The following GTF3C3 variants were observed in gnomAD, a reference collection of about 807,000 sequenced individuals.
GTF3C3 encodes general transcription factor 3C polypeptide 3.
A neutral mutation model predicts 105.2 loss-of-function variants in GTF3C3; 75 were observed. The ratio of observed to expected loss-of-function variants is 0.71; its 90% CI spans 0.59 to 0.86. The LOEUF (loss-of-function observed/expected upper bound fraction) is 0.86. Among genes scored for constraint, GTF3C3 ranks in the 40% least tolerant of loss-of-function variants. GTF3C3 has a pLI of 0.00. For missense variants in GTF3C3, 856 were observed against 1,076.5 expected (o/e 0.80, Z 2.87); for synonymous variants, 335 against 370.4 (o/e 0.90, Z 1.10).
chr2:196,769,829 T>C (rs557149322), intron 16 of GTF3C3, 86 bp downstream of exon 16: 3 of 1,158,440 alleles, frequency 2.6e-6, no homozygotes, highest in African/African-American at 1.6e-5. Flanking sequence ...TGTATTACTT[T>C]TGAAGCAGGA....
chr2:196,782,431 T>C (rs919228349), intron 8 of GTF3C3, among the ~76,000 whole-genome samples: 1 of 152,246 alleles, frequency 6.6e-6, no homozygotes, highest in African/African-American at 2.4e-5. Flanking sequence ...AATTATAGTA[T>C]ATGAAATACT....
chr2:196,797,970 C>CTCTGTGGCTGGGG, intron 1 of GTF3C3, 62 bp from the exon 2 acceptor site: 1 of 955,358 alleles, frequency 1.0e-6, no homozygotes, highest in Non-Finnish European at 1.7e-6. Context: ...TCCCCAGCCA[C>CTCTGTGGCTGGGG]AGAGTATCTG....
At chr2:196,798,834 C>T (rs1699695398) in intron 1 of GTF3C3, among the ~76,000 whole-genome samples, 2 of 141,122 alleles carry the variant, frequency 1.4e-5, no homozygotes, top group South Asian at 4.6e-4. Flanking sequence ...TGCACTCCAG[C>T]CTGGGCAACA....
At chr2:196,766,218 T>A (rs1218455068) in intron 17 of GTF3C3, among the ~76,000 whole-genome samples, 1 of 152,090 alleles carries the variant, frequency 6.6e-6, no homozygotes, top group Non-Finnish European at 1.5e-5. Flanking sequence ...TTAATACTGG[T>A]CTTTCATCTT....
rs371431569 is a variant in GTF3C3 at position 196,791,463 on chromosome 2, G to A, written c.412-3C>T. The A allele has an allele frequency of 5.3e-5, 85 of 1,606,416 alleles. No individual in the cohort carries two copies. Among genetic ancestry groups the A allele is most frequent in the Non-Finnish European group, 7.1e-5 (83 of 1,175,886 alleles). ...AGTTTACTCCGAGGCCTTTTCTCCT[G>A]TATGGAAGAAAAATGACATTTAGAT... On this transcript the variant is annotated splice_region_variant and splice_polypyrimidine_tract_variant and intron_variant, in intron 3 of 17. Coordinates refer to ENST00000263956, the MANE Select transcript of GTF3C3 (RefSeq NM_012086.5).
intron 10 of GTF3C3, chr2:196,777,669 G>A (rs997868404): frequency 1.3e-5 from 2 of 151,938 alleles, no homozygotes; most frequent in African/African-American, 4.8e-5. Context: ...AAAACATTTT[G>A]TTATTTTGTT....
At position 196,785,439 on chromosome 2, in the gene GTF3C3, A is replaced by G; in HGVS notation, c.1041+2T>C. 6.3e-7 allele frequency: 1 copy of G among 1,585,526 alleles called. No homozygotes were observed. The highest frequency in any genetic ancestry group is 1.7e-4 in the Middle Eastern group (1 of 5,940). ...AACAGAGAAACACATAAGCATTCCT[A>G]CCTCCAAAGCTTTGTCATACTGTTT... On this transcript the variant is annotated splice_donor_variant, in intron 7 of 17. Coordinates refer to ENST00000263956, the MANE Select transcript of GTF3C3 (RefSeq NM_012086.5). LOFTEE classifies it high-confidence loss of function.
At chr2:196,771,117 A>AT (rs1057335589) in intron 15 of GTF3C3, among the ~76,000 whole-genome samples, 8 of 151,576 alleles carry the variant, frequency 5.3e-5, no homozygotes, top group Middle Eastern at 3.2e-3. Context: ...TTCTTCTTTA[A>AT]TTTTTTTTTA....
chr2:196,780,808 C>A, intron 8 of GTF3C3, 146 bp from the exon 9 acceptor site: 1 of 904,190 alleles, frequency 1.1e-6, no homozygotes, highest in Non-Finnish European at 1.6e-6. Flanking sequence ...GTTCTTATAT[C>A]TCTCTCAGTC....
chr2:196,781,357 A>AAAAAAAAT, intron 8 of GTF3C3, among the ~76,000 whole-genome samples: 4 of 18,818 alleles, frequency 2.1e-4, no homozygotes, highest in African/African-American at 3.1e-4. Context: ...AAAAAAAAAA[A>AAAAAAAAT]ATATATATAT....
chr2:196,780,457 G>A (rs930718332), intron 9 of GTF3C3, 102 bp downstream of exon 9: 2 of 1,388,434 alleles, frequency 1.4e-6, no homozygotes, highest in Non-Finnish European at 1.9e-6. Flanking sequence ...TGGTTATTAA[G>A]AAATGTGAAA....
Position 196,781,357 on chromosome 2 carries a change from A to AAATAT in GTF3C3, c.1115-696_1115-695insATATT. Among the ~76,000 whole-genome samples the AAATAT allele has an allele frequency of 8.0e-4, 15 of 18,822 alleles. 1 individual carries two copies. The South Asian group carries it at 0.013, about 17-fold the overall frequency. The allele number at this position is 18,822 out of a possible 152,430, so 12.3% of individuals were successfully genotyped here. A position where few individuals can be genotyped will look rare whatever the true frequency, so the allele number is the denominator to read the frequency against. On this transcript the variant is annotated intron_variant, in intron 8 of 17. Transcript: ENST00000263956. Reference sequence around the variant, plus strand: ...ATGTTAAGGGGAAAAAAAAAAAAAAAATATATATATATATATATATATATA... The same window carrying AAATAT: ...ATGTTAAGGGGAAAAAAAAAAAAAAAAATATATATATATATATATATATATATATA...
intron 14 of GTF3C3, among the ~76,000 whole-genome samples, chr2:196,772,715 C>G (rs1699193877): frequency 6.6e-6 from 1 of 152,110 alleles, no homozygotes; most frequent in Non-Finnish European, 1.5e-5. Flanking sequence ...TAAGGTCACG[C>G]AGCCAGTAGG....
In GTF3C3 at chr2:196,778,565, T is replaced by C. The variant is rs1433585607; in HGVS notation, c.1390+331A>G. ...ATATAACATATTAAATATAAATCTA[T>C]AAAAACTCTTCAAAATTAGATTTTG... On this transcript the variant is annotated intron_variant, in intron 10 of 17. Transcript: ENST00000263956. 1.5e-5 allele frequency: 4 copies of C among 267,156 alleles called. No homozygotes were observed. In the East Asian group the frequency reaches 2.8e-4, roughly 18 times the overall value. The allele number at this position is 267,156 out of a possible 1,614,324, so 16.5% of individuals were successfully genotyped here.
At position 196,776,023 on chromosome 2, in the gene GTF3C3, G is replaced by C; in HGVS notation, c.1682C>G (p.Ala561Gly). ...ATCATTACCCACCTTTAAAAGCATG[G>C]CTAACATAGTAAGTAAGGTATCCAC... The part of the protein sequence containing the change: ...GYVDTLLTML[A>G]MLLKVAMNRA... The change falls in exon 12 of 18, where the codon GCC becomes GGC. Residue 561 changes from alanine to glycine, a missense_variant. Ala to Gly is a moderately conservative substitution (Grantham distance 60). Coordinates refer to ENST00000263956, the MANE Select transcript of GTF3C3 (RefSeq NM_012086.5). This position sits in a 1 kb window ranked among gnomAD's most constrained non-coding sequence, Gnocchi z 4.5. 6.5e-7 allele frequency: 1 copy of C among 1,546,680 alleles called. No individual in the cohort carries two copies. The highest frequency in any genetic ancestry group is 8.8e-7 in the Non-Finnish European group (1 of 1,133,340).
At chr2:196,796,304 G>A (rs142719194) in intron 2 of GTF3C3, among the ~76,000 whole-genome samples, 90 of 152,318 alleles carry the variant, frequency 5.9e-4, no homozygotes, top group South Asian at 5.0e-3. Flanking sequence ...TCATGAGCCT[G>A]AATTGGACTC....
intron 2 of GTF3C3, among the ~76,000 whole-genome samples, chr2:196,797,233 CTAAT>C (rs903389641): frequency 2.0e-5 from 3 of 152,274 alleles, no homozygotes; most frequent in Admixed American, 1.3e-4. Context: ...AATTTGCTTA[CTAAT>C]TAATTAGGCT....
chr2:196,788,705 T>C (rs756044274), intron 6 of GTF3C3, among the ~76,000 whole-genome samples: 6 of 152,126 alleles, frequency 3.9e-5, no homozygotes, highest in Non-Finnish European at 8.8e-5. Context: ...TAACCTTATA[T>C]ACACAATTTT....
At chr2:196,768,946 C>G (rs879767728) in intron 16 of GTF3C3, among the ~76,000 whole-genome samples, 1 of 152,124 alleles carries the variant, frequency 6.6e-6, no homozygotes, top group Non-Finnish European at 1.5e-5. Flanking sequence ...TCCCCGATTC[C>G]TGGCACACAA....
Sources: allele counts gnomAD v4.1 joint callset (sites outside exome capture counted in the v4.1 genomes callset), GRCh38; gene constraint gnomAD v4.1.1; non-coding constraint Gnocchi (gnomAD v3.1); transcripts MANE v1.5; gene names NCBI Gene and HGNC (gene_info 2026-07-23, HGNC 2026-07-21).